NCALD: variants seen among roughly 807,000 people sequenced by gnomAD.
NCALD encodes the protein neurocalcin-delta.
Under a neutral mutation model 18.6 loss-of-function variants are expected in NCALD, and 10 were observed. That is an observed-to-expected ratio of 0.54 (90% CI 0.33 to 0.91). The LOEUF (loss-of-function observed/expected upper bound fraction) is 0.91. NCALD is among the 40% of genes least tolerant of loss of function. NCALD has a pLI of 0.03. For missense variants in NCALD, 184 were observed against 247.6 expected (o/e 0.74, Z 1.72); for synonymous variants, 88 against 87.4 (o/e 1.01, Z -0.04).
intron 2 of NCALD, among the ~76,000 whole-genome samples, chr8:101,943,226 G>C (rs560857141): frequency 1.3e-5 from 2 of 152,172 alleles, no homozygotes; most frequent in Non-Finnish European, 2.9e-5. Flanking sequence ...AGGGAGAACA[G>C]GCACTCGAAG....
intron 2 of NCALD, among the ~76,000 whole-genome samples, chr8:101,953,425 T>C (rs762546941): frequency 6.6e-6 from 1 of 152,204 alleles, no homozygotes; most frequent in Non-Finnish European, 1.5e-5. Context: ...GCCTCCAATC[T>C]GGAGAGACAT....
At chr8:102,086,044 T>G (rs1824726974) in intron 1 of NCALD, among the ~76,000 whole-genome samples, 1 of 152,180 alleles carries the variant, frequency 6.6e-6, no homozygotes, top group Admixed American at 6.5e-5. Flanking sequence ...CAGTAAACAT[T>G]GCATTTGGGT....
intron 4 of NCALD, among the ~76,000 whole-genome samples, chr8:101,822,061 T>C (rs1471353506): frequency 2.6e-5 from 4 of 152,092 alleles, no homozygotes; most frequent in Non-Finnish European, 5.9e-5. Context: ...CATAAGGTTG[T>C]TGTAAGTATT....
chr8:101,742,366 C>T lies in NCALD; in HGVS notation c.-19-22718G>A, dbSNP rs1810240838. 5.9e-5 allele frequency among the ~76,000 whole-genome samples: 9 copies of T among 152,240 alleles called. No homozygotes were observed. In the South Asian group the frequency reaches 1.9e-3, roughly 32 times the overall value. ...AGATAAATTTGCTAGTTTTCTCTTTCCATTCATCATGAATTATGATGTGCA... is the reference window on the plus strand; with the variant it reads ...AGATAAATTTGCTAGTTTTCTCTTTTCATTCATCATGAATTATGATGTGCA... On this transcript the variant is annotated intron_variant, in intron 1 of 3. Coordinates refer to ENST00000220931, the MANE Select transcript of NCALD (RefSeq NM_032041.3).
chr8:101,905,063 C>T (rs76338723), intron 3 of NCALD, among the ~76,000 whole-genome samples: 1,557 of 152,296 alleles, frequency 0.01, 33 homozygotes, highest in African/African-American at 0.035. Flanking sequence ...AACATTCTTA[C>T]ACTAAAATTT....
intron 1 of NCALD, among the ~76,000 whole-genome samples, chr8:101,761,691 A>C (rs771902890): frequency 2.0e-5 from 3 of 152,218 alleles, no homozygotes; most frequent in Non-Finnish European, 4.4e-5. Flanking sequence ...TTTGTTTCCC[A>C]GTATTCAATC....
chr8:101,808,391 A>G lies in NCALD; in HGVS notation c.-20+78750T>C, dbSNP rs112661749. Among the ~76,000 whole-genome samples the G allele has an allele frequency of 5.7e-3, 870 of 152,304 alleles. 11 individuals are homozygous for G. The highest frequency in any genetic ancestry group is 0.018 in the African/African-American group (765 of 41,584). On this transcript the variant is annotated intron_variant, in intron 4 of 6. Coordinates refer to the NCALD transcript ENST00000311028. ...TAAGATTTAAGTTTTTCTCTTTGAT[A>G]CTATGTTCACATGGCTGCCCTTCAG...
At chr8:101,946,178 T>C (rs943740466) in intron 2 of NCALD, among the ~76,000 whole-genome samples, 1 of 152,122 alleles carries the variant, frequency 6.6e-6, no homozygotes, top group Non-Finnish European at 1.5e-5. Flanking sequence ...TTTTTGGGGG[T>C]CTTACTTTGA....
At chr8:102,074,524 C>A (rs1385274753) in intron 1 of NCALD, among the ~76,000 whole-genome samples, 2 of 152,100 alleles carry the variant, frequency 1.3e-5, no homozygotes, top group African/African-American at 4.8e-5. Flanking sequence ...TTCCTGTTGG[C>A]CATATTCTCT....
intron 4 of NCALD, among the ~76,000 whole-genome samples, chr8:101,884,734 G>A (rs987035866): frequency 1.3e-5 from 2 of 151,736 alleles, no homozygotes; most frequent in East Asian, 3.9e-4. Context: ...GAATTTATTA[G>A]CTGTTTTGGC....
chr8:101,792,201 T>C (rs970499813), upstream of NCALD, among the ~76,000 whole-genome samples: 5 of 151,952 alleles, frequency 3.3e-5, no homozygotes, highest in Non-Finnish European at 7.4e-5. Flanking sequence ...TAAAAAAGAG[T>C]AGCTCTGGGG....
At chr8:102,010,434 T>A (rs1821866864) in intron 2 of NCALD, among the ~76,000 whole-genome samples, 1 of 152,218 alleles carries the variant, frequency 6.6e-6, no homozygotes, top group Non-Finnish European at 1.5e-5. Context: ...AGTCTGAGCT[T>A]TTTAAATTTG....
intron 1 of NCALD, among the ~76,000 whole-genome samples, chr8:102,055,737 C>T (rs1823627714): frequency 6.6e-6 from 1 of 152,186 alleles, no homozygotes; most frequent in Non-Finnish European, 1.5e-5. Flanking sequence ...ACACAAAACA[C>T]ACAATTGTGT....
chr8:102,071,220 T>C (rs1563592071), intron 1 of NCALD, among the ~76,000 whole-genome samples: 1 of 152,100 alleles, frequency 6.6e-6, no homozygotes, highest in Admixed American at 6.5e-5. Flanking sequence ...CAGAATGGCC[T>C]GGGAGAGTCT....
At chr8:102,033,110 G>A (rs1374579736) in intron 1 of NCALD, among the ~76,000 whole-genome samples, 1 of 152,060 alleles carries the variant, frequency 6.6e-6, no homozygotes, top group East Asian at 1.9e-4. Context: ...CTTAGAAAAT[G>A]CCTTATTTAC....
intron 2 of NCALD, among the ~76,000 whole-genome samples, chr8:102,015,709 T>C (rs537295085): frequency 6.6e-6 from 1 of 152,178 alleles, no homozygotes; most frequent in South Asian, 2.1e-4. Flanking sequence ...AAGAGTGGCA[T>C]GCCCTTCCAA....
At chr8:101,993,149 A>G (rs1236883108) in intron 2 of NCALD, among the ~76,000 whole-genome samples, 2 of 127,488 alleles carry the variant, frequency 1.6e-5, no homozygotes, top group African/African-American at 5.8e-5. Context: ...ACTCTACAGG[A>G]AAAAAAAAAA....
chr8:101,814,518 T>G (rs909097938), intron 4 of NCALD, among the ~76,000 whole-genome samples: 2 of 152,060 alleles, frequency 1.3e-5, no homozygotes, highest in Non-Finnish European at 2.9e-5. Context: ...ACAAAAAACC[T>G]ACAGCTAGCA....
chr8:102,101,990 T>G (rs1213350222), intron 1 of NCALD, among the ~76,000 whole-genome samples: 1 of 152,182 alleles, frequency 6.6e-6, no homozygotes, highest in Non-Finnish European at 1.5e-5. Context: ...ACTAAGTAAA[T>G]GCAACTCTGA....
Sources: allele counts gnomAD v4.1 joint callset (sites outside exome capture counted in the v4.1 genomes callset), GRCh38; gene constraint gnomAD v4.1.1; transcripts MANE v1.5; gene names NCBI Gene and HGNC (gene_info 2026-07-23, HGNC 2026-07-21).